The following NKAIN2 variants were observed in gnomAD, a reference collection of about 807,000 sequenced individuals.
NKAIN2 encodes the protein sodium/potassium transporting ATPase interacting 2.
NKAIN2 carries 14 observed loss-of-function variants against 32.6 expected under a neutral mutation model. The ratio of observed to expected loss-of-function variants is 0.43; its 90% CI spans 0.28 to 0.67. The LOEUF (loss-of-function observed/expected upper bound fraction) is 0.67, where lower values mean the gene tolerates loss of function less well. Ranked by LOEUF, NKAIN2 falls within the 30% of genes least tolerant of loss-of-function variation. The pLI is 0.17. For missense variants in NKAIN2, 198 were observed against 258.3 expected, an observed-to-expected ratio of 0.77 and a Z score of 1.60; for synonymous variants, 80 against 87.2, an observed-to-expected ratio of 0.92 and a Z score of 0.46.
At chr6:124,504,573 C>T (rs1015654211) in intron 3 of NKAIN2, among the ~76,000 whole-genome samples, 3 of 152,098 alleles carry the variant, frequency 2.0e-5, no homozygotes, top group African/African-American at 7.2e-5. Context: ...TAAAACAAGA[C>T]CATTTTAAAT....
At chr6:124,181,600 G>T (rs909910401) in intron 1 of NKAIN2, among the ~76,000 whole-genome samples, 43 of 152,124 alleles carry the variant, frequency 2.8e-4, no homozygotes, top group African/African-American at 9.9e-4. Context: ...ATGCTTTGCT[G>T]CTTAGAAATT....
At chr6:123,856,301 A>G (rs1253235821) in intron 1 of NKAIN2, among the ~76,000 whole-genome samples, 2 of 152,194 alleles carry the variant, frequency 1.3e-5, no homozygotes, top group African/African-American at 4.8e-5. Context: ...TAAGCCGAGA[A>G]ACTGTCTCGG....
intron 4 of NKAIN2, among the ~76,000 whole-genome samples, chr6:124,675,769 A>G (rs1435252837): frequency 6.7e-6 from 1 of 150,270 alleles, no homozygotes; most frequent in Non-Finnish European, 1.5e-5. Flanking sequence ...AATATTGTTG[A>G]TCTTTTCAAA....
intron 4 of NKAIN2, among the ~76,000 whole-genome samples, chr6:124,712,626 C>T (rs1164586376): frequency 1.3e-5 from 2 of 150,324 alleles, no homozygotes; most frequent in Non-Finnish European, 3.0e-5. Context: ...AAGGGAACTC[C>T]CTGACCCCTT....
At chr6:124,638,419 G>A (rs1489356550) in intron 3 of NKAIN2, among the ~76,000 whole-genome samples, 2 of 152,190 alleles carry the variant, frequency 1.3e-5, no homozygotes, top group African/African-American at 4.8e-5. Context: ...ATGGGAGTAT[G>A]TCAGACTAAA....
chr6:124,076,484 A>T (rs1161217242), intron 1 of NKAIN2, among the ~76,000 whole-genome samples: 1 of 152,184 alleles, frequency 6.6e-6, no homozygotes, highest in Non-Finnish European at 1.5e-5. Context: ...GTTTATGAGG[A>T]GATTACTAAA....
chr6:124,664,017 A>G (rs1408751935), intron 4 of NKAIN2, among the ~76,000 whole-genome samples: 2 of 152,088 alleles, frequency 1.3e-5, no homozygotes, highest in Non-Finnish European at 2.9e-5. Context: ...GCTCATGCCT[A>G]TAATGCCAGC....
At chr6:124,114,940 A>T (rs750805604) in intron 1 of NKAIN2, among the ~76,000 whole-genome samples, 1 of 152,046 alleles carries the variant, frequency 6.6e-6, no homozygotes, top group Non-Finnish European at 1.5e-5. Flanking sequence ...GGACAAGATC[A>T]CAGGAAGAAA....
At chr6:124,078,667 A>C (rs1260912287) in intron 1 of NKAIN2, among the ~76,000 whole-genome samples, 1 of 152,116 alleles carries the variant, frequency 6.6e-6, no homozygotes, top group Non-Finnish European at 1.5e-5. Flanking sequence ...AGTTTAAAGA[A>C]GTTCTCTTGA....
intron 1 of NKAIN2, among the ~76,000 whole-genome samples, chr6:124,254,406 G>C (rs1056278392): frequency 3.9e-5 from 6 of 152,208 alleles, no homozygotes; most frequent in Admixed American, 6.5e-5. Context: ...CTGGCTTTTA[G>C]GAAATGGTGA....
chr6:123,948,597 A>ATTTTTTTTTTTTTTTTTTTTTTT (rs71021472), intron 1 of NKAIN2, among the ~76,000 whole-genome samples: 1 of 49,278 alleles, frequency 2.0e-5, no homozygotes, highest in Non-Finnish European at 4.1e-5. Context: ...CTTAAATGGG[A>ATTTTTTTTTTTTTTTTTTTTTTT]TTTTTTTTTT....
rs73565636 is a variant in NKAIN2 at position 124,280,082 on chromosome 6, T to A, written c.55-2923T>A. Among the ~76,000 whole-genome samples, 947 of 152,144 alleles carry A rather than the reference T, an allele frequency of 6.2e-3. 10 individuals carry two copies. Among genetic ancestry groups the A allele is most frequent in the African/African-American group, 0.022 (894 of 41,500 alleles). On this transcript the variant is annotated intron_variant, in intron 1 of 6. Transcript: ENST00000368417. ...GATGTACACCATAAGACTTCTTATG[T>A]GAAAATAACACATAAACAGCAGCAT...
intron 4 of NKAIN2, among the ~76,000 whole-genome samples, chr6:124,707,061 A>T (rs1240019319): frequency 2.1e-5 from 3 of 142,540 alleles, no homozygotes; most frequent in Non-Finnish European, 4.5e-5. Flanking sequence ...TCATTGTTCA[A>T]TTCCCACCTA....
intron 1 of NKAIN2, among the ~76,000 whole-genome samples, chr6:123,940,688 A>C (rs235681): frequency 0.084 from 12,772 of 152,026 alleles, 1,702 homozygotes; most frequent in African/African-American, 0.28. Context: ...AAAATGGTAC[A>C]TCTGTATAGA....
At chr6:124,769,570 A>G (rs763568539) in intron 4 of NKAIN2, among the ~76,000 whole-genome samples, 1 of 152,206 alleles carries the variant, frequency 6.6e-6, no homozygotes, top group Non-Finnish European at 1.5e-5. Flanking sequence ...AAAAAAACTC[A>G]GAATTCTCCA....
intron 1 of NKAIN2, among the ~76,000 whole-genome samples, chr6:123,897,132 A>G (rs550157385): frequency 2.0e-5 from 3 of 152,150 alleles, no homozygotes; most frequent in Admixed American, 6.5e-5. Flanking sequence ...GCATTTCTCA[A>G]TGCCATTAGA....
chr6:124,515,313 G>A (rs1778862157), intron 3 of NKAIN2, among the ~76,000 whole-genome samples: 1 of 152,052 alleles, frequency 6.6e-6, no homozygotes, highest in Non-Finnish European at 1.5e-5. Flanking sequence ...TCAGAATTAA[G>A]TATTTACATC....
At chr6:124,186,251 AAAG>A (rs1467770006) in intron 1 of NKAIN2, among the ~76,000 whole-genome samples, 1 of 151,902 alleles carries the variant, frequency 6.6e-6, no homozygotes. Flanking sequence ...GAAAGAAAGA[AAAG>A]AAAAAAGAAA....
chr6:124,003,609 A>G (rs1450560882), intron 1 of NKAIN2, among the ~76,000 whole-genome samples: 1 of 152,192 alleles, frequency 6.6e-6, no homozygotes, highest in Non-Finnish European at 1.5e-5. Context: ...TTTTGTACAC[A>G]TAATACAGAG....
Sources: allele counts gnomAD v4.1 joint callset (sites outside exome capture counted in the v4.1 genomes callset), GRCh38; gene constraint gnomAD v4.1.1; transcripts MANE v1.5; gene names NCBI Gene and HGNC (gene_info 2026-07-23, HGNC 2026-07-21).